The following CACNA2D1 variants were observed in gnomAD, a reference collection of about 807,000 sequenced individuals.
CACNA2D1 encodes voltage-dependent calcium channel subunit alpha-2/delta-1.
CACNA2D1 carries 53 observed loss-of-function variants against 171.5 expected under a neutral mutation model. That is an observed-to-expected ratio of 0.31 (90% CI 0.25 to 0.39). The LOEUF (loss-of-function observed/expected upper bound fraction) is 0.39, where lower values mean the gene tolerates loss of function less well. Ranked by LOEUF, CACNA2D1 falls within the 10% of genes least tolerant of loss-of-function variation. The pLI is 1.00. For missense variants in CACNA2D1, 903 were observed against 1,299.8 expected (o/e 0.69, Z 4.69); for synonymous variants, 442 against 443.1 (o/e 1.00, Z 0.03).
At chr7:82,148,932 C>T (rs1437095387) in intron 4 of CACNA2D1, among the ~76,000 whole-genome samples, 3 of 152,162 alleles carry the variant, frequency 2.0e-5, no homozygotes, top group Admixed American at 6.6e-5. Context: ...CCACTACACC[C>T]GGCTGGACAC....
intron 12 of CACNA2D1, among the ~76,000 whole-genome samples, chr7:82,019,576 G>T (rs567889706): frequency 3.9e-5 from 6 of 152,230 alleles, no homozygotes; most frequent in African/African-American, 1.4e-4. Flanking sequence ...TTATCCTACA[G>T]TTCTGACTTC....
At chr7:82,113,549 A>G (rs1179024323) in intron 6 of CACNA2D1, among the ~76,000 whole-genome samples, 1 of 152,168 alleles carries the variant, frequency 6.6e-6, no homozygotes, top group Non-Finnish European at 1.5e-5. Context: ...TCACATTTCA[A>G]TTCAAGGGAC....
chr7:82,063,124 A>G (rs1486450966), intron 9 of CACNA2D1, among the ~76,000 whole-genome samples: 2 of 152,108 alleles, frequency 1.3e-5, no homozygotes, highest in African/African-American at 2.4e-5. Context: ...TTTCTGTTGA[A>G]AGAATTTTTG....
At position 81,949,721 on chromosome 7, in the gene CACNA2D1, A is replaced by C. The variant is rs2129919109; in HGVS notation, c.*671T>G. On this transcript the variant is annotated 3_prime_UTR_variant, in exon 39 of 39. Coordinates refer to ENST00000356860, the MANE Select transcript of CACNA2D1 (RefSeq NM_000722.4). The stretch of plus-strand genomic sequence containing the variant: ...TCCCTCAAGCACCTTTAGTTTAATA[A>C]TTTCTTAGTTACTATTTTCAAACCA... 6.6e-6 allele frequency: 1 copy of C among 152,370 alleles called. No homozygotes were observed. The highest frequency in any genetic ancestry group is 2.4e-5 in the African/African-American group (1 of 41,532). The allele number at this position is 152,370 out of a possible 1,614,324, so 9.4% of individuals were successfully genotyped here. A position where few individuals can be genotyped will look rare whatever the true frequency, so the allele number is the denominator to read the frequency against.
chr7:81,996,079 T>C (rs750920452), intron 19 of CACNA2D1, among the ~76,000 whole-genome samples: 9 of 152,174 alleles, frequency 5.9e-5, no homozygotes, highest in Non-Finnish European at 8.8e-5. Context: ...GAGTGTGCAC[T>C]TATGAGGAGC....
In CACNA2D1 at chr7:82,375,824, AT is replaced by A. The variant is rs1372952881; in HGVS notation, c.96-26176del. On this transcript the variant is annotated intron_variant, in intron 1 of 38. Coordinates refer to ENST00000356860, the MANE Select transcript of CACNA2D1 (RefSeq NM_000722.4). ...TTAATTGCCCACAGCCCCAAACAGC[AT>A]GTCTTTGAGGTCTCTAGGGTGAAAA... Among the ~76,000 whole-genome samples, 4 of 152,128 alleles carry A rather than the reference AT, an allele frequency of 2.6e-5. No individual in the cohort carries two copies. The East Asian group carries it at 7.7e-4, about 29-fold the overall frequency.
chr7:82,311,443 T>G (rs867684276), intron 3 of CACNA2D1, among the ~76,000 whole-genome samples: 14 of 152,206 alleles, frequency 9.2e-5, no homozygotes, highest in Admixed American at 2.6e-4. Context: ...TTAGCTGAAC[T>G]GATGGAGGAC....
intron 3 of CACNA2D1, among the ~76,000 whole-genome samples, chr7:82,233,382 T>C (rs1803177676): frequency 6.6e-6 from 1 of 152,182 alleles, no homozygotes; most frequent in Non-Finnish European, 1.5e-5. Context: ...ATTCATATGA[T>C]GCATTCACAT....
chr7:82,076,590 G>T (rs1563008032), intron 7 of CACNA2D1, among the ~76,000 whole-genome samples: 1 of 151,890 alleles, frequency 6.6e-6, no homozygotes, highest in Admixed American at 6.6e-5. Context: ...CCCTTTTTCA[G>T]ATCTTTAAAA....
chr7:82,430,290 C>A (rs1290975627), intron 1 of CACNA2D1, among the ~76,000 whole-genome samples: 1 of 151,740 alleles, frequency 6.6e-6, no homozygotes, highest in East Asian at 1.9e-4. Flanking sequence ...TGGTGGTTGG[C>A]ACCTGTAATC....
intron 3 of CACNA2D1, among the ~76,000 whole-genome samples, chr7:82,307,105 G>A (rs1482811195): frequency 1.3e-5 from 2 of 152,102 alleles, no homozygotes; most frequent in African/African-American, 4.8e-5. Flanking sequence ...GAGAGATGTG[G>A]ATGTAAATTC....
chr7:82,219,858 C>T (rs1302456812), intron 3 of CACNA2D1, among the ~76,000 whole-genome samples: 1 of 151,960 alleles, frequency 6.6e-6, no homozygotes, highest in Non-Finnish European at 1.5e-5. Flanking sequence ...TTACAGGTAC[C>T]TACCAAAGAA....
At chr7:82,048,772 A>G (rs1292700012) in intron 10 of CACNA2D1, among the ~76,000 whole-genome samples, 1 of 152,098 alleles carries the variant, frequency 6.6e-6, no homozygotes, top group Non-Finnish European at 1.5e-5. Flanking sequence ...GGCCAGCCCA[A>G]GTCACTCTCT....
intron 7 of CACNA2D1, among the ~76,000 whole-genome samples, chr7:82,075,187 T>A (rs1291693035): frequency 6.7e-6 from 1 of 150,152 alleles, no homozygotes; most frequent in Non-Finnish European, 1.5e-5. Context: ...CACAGATACA[T>A]GGTATTACAG....
At chr7:82,100,090 GA>G (rs1032044316) in intron 6 of CACNA2D1, among the ~76,000 whole-genome samples, 8 of 150,894 alleles carry the variant, frequency 5.3e-5, no homozygotes, top group Middle Eastern at 6.9e-3. Flanking sequence ...GATTTCAAAG[GA>G]AAAAAAAATT....
At chr7:82,056,643 C>T (rs1463919091) in intron 10 of CACNA2D1, among the ~76,000 whole-genome samples, 1 of 152,116 alleles carries the variant, frequency 6.6e-6, no homozygotes, top group South Asian at 2.1e-4. Flanking sequence ...TAGTGTGATG[C>T]TGAGTCCTCA....
intron 3 of CACNA2D1, among the ~76,000 whole-genome samples, chr7:82,238,949 C>A (rs10275727): frequency 0.1 from 15,582 of 151,886 alleles, 1,441 homozygotes; most frequent in African/African-American, 0.25. Flanking sequence ...GATAGATATG[C>A]AACAATCTTT....
chr7:82,301,033 A>T (rs1236823703), intron 3 of CACNA2D1, among the ~76,000 whole-genome samples: 1 of 152,256 alleles, frequency 6.6e-6, no homozygotes, highest in African/African-American at 2.4e-5. Context: ...TTTAATTAAC[A>T]TATTACAGTT....
chr7:82,294,456 T>A (rs1812026915), intron 3 of CACNA2D1, among the ~76,000 whole-genome samples: 1 of 123,324 alleles, frequency 8.1e-6, no homozygotes, highest in African/African-American at 4.8e-5. Flanking sequence ...ATTTTTACTA[T>A]AATTAAGTTT....
Sources: allele counts gnomAD v4.1 joint callset (sites outside exome capture counted in the v4.1 genomes callset), GRCh38; gene constraint gnomAD v4.1.1; transcripts MANE v1.5; gene names NCBI Gene and HGNC (gene_info 2026-07-23, HGNC 2026-07-21).